Variants in ALK observed in about 807,000 individuals in gnomAD.
The protein encoded by ALK is ALK receptor tyrosine kinase, also known as ALK tyrosine kinase receptor.
A neutral mutation model predicts 163.1 loss-of-function variants in ALK; 74 were observed. The observed-to-expected ratio is 0.45, with a 90% confidence interval of 0.38 to 0.55. The LOEUF (loss-of-function observed/expected upper bound fraction) is 0.55. Ranked by LOEUF, ALK falls within the 20% of genes least tolerant of loss-of-function variation. ALK has a pLI of 0.00. For synonymous variants in ALK, 960 were observed against 843.2 expected (o/e 1.14, Z -2.40); for missense variants, 2,063 against 2,105.3 (o/e 0.98, Z 0.39).
intron 1 of ALK, among the ~76,000 whole-genome samples, chr2:29,738,680 A>G (rs191989306): frequency 5.9e-5 from 9 of 152,146 alleles, no homozygotes; most frequent in African/African-American, 1.9e-4. Flanking sequence ...TTGAAAGGAG[A>G]CTTGTTTACC....
intron 4 of ALK, among the ~76,000 whole-genome samples, chr2:29,458,695 G>C (rs1671016069): frequency 6.6e-6 from 1 of 152,134 alleles, no homozygotes; most frequent in Admixed American, 6.5e-5. Flanking sequence ...GACAGTGACT[G>C]AACAACTGAA....
intron 1 of ALK, among the ~76,000 whole-genome samples, chr2:29,751,405 T>C (rs1680363142): frequency 6.6e-6 from 1 of 152,184 alleles, no homozygotes; most frequent in Non-Finnish European, 1.5e-5. Context: ...CGCTGATGTA[T>C]GTGCAGTCCT....
intron 9 of ALK, among the ~76,000 whole-genome samples, chr2:29,283,981 C>T (rs910331677): frequency 6.6e-6 from 1 of 152,124 alleles, no homozygotes; most frequent in African/African-American, 2.4e-5. Flanking sequence ...TGATGTGATT[C>T]ACGTTATTTA....
intron 1 of ALK, among the ~76,000 whole-genome samples, chr2:29,882,066 G>A (rs928329394): frequency 6.6e-6 from 1 of 152,084 alleles, no homozygotes; most frequent in Non-Finnish European, 1.5e-5. Flanking sequence ...TCCTCCATCT[G>A]CAAACAGGGA....
chr2:29,471,575 T>C (rs1332976983), intron 4 of ALK, among the ~76,000 whole-genome samples: 2 of 152,206 alleles, frequency 1.3e-5, no homozygotes, highest in Non-Finnish European at 2.9e-5. Flanking sequence ...GCATTTGATA[T>C]CATTCATTAC....
Position 29,674,293 on chromosome 2 carries a change from G to A in ALK, c.952+20557C>T, listed in dbSNP as rs1372011934. Among the ~76,000 whole-genome samples, 7 of 151,764 alleles carry A rather than the reference G, an allele frequency of 4.6e-5. No homozygotes were observed. In the East Asian group the frequency reaches 7.8e-4, roughly 17 times the overall value. On this transcript the variant is annotated intron_variant, in intron 3 of 28. Transcript: ENST00000389048. Reference sequence around the variant, plus strand: ...TGCTTCCAGTTTTTGCCCATTCAGTGTGATATTGGCTGTGGGTTTGTCATA... The same window carrying A: ...TGCTTCCAGTTTTTGCCCATTCAGTATGATATTGGCTGTGGGTTTGTCATA...
At chr2:29,767,604 G>A (rs1435000379) in intron 1 of ALK, among the ~76,000 whole-genome samples, 4 of 152,176 alleles carry the variant, frequency 2.6e-5, no homozygotes, top group Admixed American at 6.5e-5. Flanking sequence ...ATTAGGATGC[G>A]TGTATTCATT....
At chr2:29,241,302 G>C (rs1664516834) in intron 12 of ALK, among the ~76,000 whole-genome samples, 1 of 152,116 alleles carries the variant, frequency 6.6e-6, no homozygotes, top group Non-Finnish European at 1.5e-5. Context: ...TCCCTGATCA[G>C]GTGGGGCCAT....
intron 9 of ALK, among the ~76,000 whole-genome samples, chr2:29,278,576 T>C (rs569748900): frequency 3.3e-5 from 5 of 152,212 alleles, no homozygotes; most frequent in Admixed American, 3.3e-4. Context: ...CATAGATGAG[T>C]TTCTGGCTTG....
At chr2:29,754,022 T>G (rs969596426) in intron 1 of ALK, among the ~76,000 whole-genome samples, 2 of 151,962 alleles carry the variant, frequency 1.3e-5, no homozygotes, top group African/African-American at 4.8e-5. Context: ...TATACAGATG[T>G]GGATGTTGGA....
chr2:29,887,200 T>G (rs1345528607), intron 1 of ALK, among the ~76,000 whole-genome samples: 1 of 152,238 alleles, frequency 6.6e-6, no homozygotes, highest in Non-Finnish European at 1.5e-5. Flanking sequence ...TTCTGTTCCA[T>G]GTGGCATGAG....
At chr2:29,490,554 G>C (rs1671876905) in intron 4 of ALK, among the ~76,000 whole-genome samples, 1 of 152,040 alleles carries the variant, frequency 6.6e-6, no homozygotes, top group African/African-American at 2.4e-5. Flanking sequence ...TGTGGGGAGG[G>C]GGTTTTAACA....
chr2:29,549,137 T>TACACACAC (rs58557380), intron 3 of ALK, among the ~76,000 whole-genome samples: 18,137 of 149,660 alleles, frequency 0.12, 1,391 homozygotes, highest in Non-Finnish European at 0.18. Flanking sequence ...GATCTACAGG[T>TACACACAC]ACACACACAC....
intron 1 of ALK, among the ~76,000 whole-genome samples, chr2:29,752,705 C>T (rs1172477362): frequency 6.6e-6 from 1 of 152,132 alleles, no homozygotes; most frequent in Non-Finnish European, 1.5e-5. Context: ...CATGCTAGCT[C>T]GAGGAGCTTC....
intron 4 of ALK, among the ~76,000 whole-genome samples, chr2:29,390,131 T>C (rs1669128773): frequency 6.6e-6 from 1 of 152,232 alleles, no homozygotes; most frequent in South Asian, 2.1e-4. Flanking sequence ...CATTTTATTC[T>C]GCCATTTAAG....
intron 1 of ALK, among the ~76,000 whole-genome samples, chr2:29,795,198 A>G (rs2148359945): frequency 1.3e-5 from 2 of 152,170 alleles, no homozygotes; most frequent in South Asian, 4.1e-4. Context: ...ACACACACAC[A>G]CGCAAAGAGC....
chr2:29,639,403 C>T (rs562032035), intron 3 of ALK, among the ~76,000 whole-genome samples: 5 of 152,182 alleles, frequency 3.3e-5, no homozygotes, highest in Admixed American at 6.5e-5. Context: ...CAGATAGGAA[C>T]CCTCTGCAAG....
intron 11 of ALK, among the ~76,000 whole-genome samples, chr2:29,274,523 G>A (rs1665477401): frequency 6.6e-6 from 1 of 152,246 alleles, no homozygotes; most frequent in Non-Finnish European, 1.5e-5. Flanking sequence ...GAGTGGTGGA[G>A]AAGTCACACC....
chr2:29,601,417 T>C (rs866021631), intron 3 of ALK, among the ~76,000 whole-genome samples: 1 of 152,112 alleles, frequency 6.6e-6, no homozygotes, highest in Non-Finnish European at 1.5e-5. Flanking sequence ...GAGTATCAAA[T>C]GCAAGGATAT....
Sources: gnomAD v4.1 joint callset for allele counts (sites outside exome capture counted in the v4.1 genomes callset) on GRCh38, gnomAD v4.1.1 for gene constraint, MANE v1.5 for transcripts, NCBI Gene and HGNC (gene_info 2026-07-23, HGNC 2026-07-21) for gene names.